Variants in TOX observed in about 807,000 individuals in gnomAD.
The protein encoded by TOX is thymocyte selection-associated high mobility group box protein TOX.
Under a neutral mutation model 53.7 loss-of-function variants are expected in TOX, and 11 were observed. The observed-to-expected ratio is 0.20, with a 90% CI of 0.13 to 0.34. The LOEUF (loss-of-function observed/expected upper bound fraction) is 0.34. TOX is among the 10% of genes least tolerant of loss of function. The pLI, the probability that TOX is intolerant of heterozygous loss-of-function variation, is 1.00. For synonymous variants in TOX, 225 were observed against 245.3 expected (o/e 0.92, Z 0.77); for missense variants, 570 against 664.6 (o/e 0.86, Z 1.56).
At chr8:59,091,549 GTT>G (rs1804606540) in intron 1 of TOX, among the ~76,000 whole-genome samples, 1 of 152,064 alleles carries the variant, frequency 6.6e-6, no homozygotes, top group African/African-American at 2.4e-5. Context: ...GCTCACTTTT[GTT>G]TTTAACTTCC....
intron 2 of TOX, among the ~76,000 whole-genome samples, chr8:58,941,468 A>G (rs1260172284): frequency 6.6e-6 from 1 of 152,236 alleles, no homozygotes; most frequent in Non-Finnish European, 1.5e-5. Context: ...GGATAAATAT[A>G]TCATAAAAGA....
chr8:58,989,259 G>A (rs1813394996), intron 1 of TOX, among the ~76,000 whole-genome samples: 1 of 151,896 alleles, frequency 6.6e-6, no homozygotes, highest in South Asian at 2.1e-4. Flanking sequence ...GAGGTGGCAG[G>A]GAGCCGAGAT....
Position 59,048,671 on chromosome 8 carries a change from C to T in TOX, c.102+70215G>A, listed in dbSNP as rs114826986. Reference sequence around the variant, plus strand: ...GGCTAATTTTAATTCTTCCCAGATACATTTTTAATTAATTTCTTATTTTTG... The same window carrying T: ...GGCTAATTTTAATTCTTCCCAGATATATTTTTAATTAATTTCTTATTTTTG... On this transcript the variant is annotated intron_variant, in intron 1 of 8. Transcript: ENST00000361421. Among the ~76,000 whole-genome samples, 1,510 of 152,220 alleles carry T rather than the reference C, an allele frequency of 9.9e-3. 27 individuals carry two copies. Among genetic ancestry groups the T allele is most frequent in the African/African-American group, 0.034 (1,422 of 41,536 alleles).
chr8:58,985,905 C>T (rs1813320032), intron 1 of TOX, among the ~76,000 whole-genome samples: 1 of 152,102 alleles, frequency 6.6e-6, no homozygotes, highest in Admixed American at 6.6e-5. Flanking sequence ...TTTTTAAAAC[C>T]TCCATTTCTT....
At position 58,838,123 on chromosome 8, in the gene TOX, A is replaced by G. The variant is rs1237208094; in HGVS notation, c.882T>C (p.Ile294=). 5 of 1,614,124 alleles carry G rather than the reference A, an allele frequency of 3.1e-6. No individual in the cohort carries two copies. Among genetic ancestry groups the G allele is most frequent in the Non-Finnish European group, 4.2e-6 (5 of 1,180,004 alleles). ...PNATFGEVSK[I]VASMWDGLGE... ...CTAAACCGTCCCACATTGAAGCCAC[A>G]ATTTTAGAGACTTCGCCAAAGGTAG... Residue 294 remains isoleucine (I), a synonymous_variant, in exon 5 of 9, where the codon ATT becomes ATC. Coordinates refer to ENST00000361421, the MANE Select transcript of TOX (RefSeq NM_014729.3).
At position 58,851,498 on chromosome 8, in the gene TOX, A is replaced by T. The variant is rs1810820637; in HGVS notation, c.693+26T>A. The T allele has an allele frequency of 5.0e-6, 8 of 1,609,780 alleles. No homozygotes were observed. The East Asian group carries it at 1.8e-4, about 36-fold the overall frequency. ...AAGGTGCCTAAGAATAGTCTCCCAT[A>T]GGTCCTAAAAATAACTTATTCATAC... On this transcript the variant is annotated intron_variant, in intron 4 of 8. Coordinates refer to ENST00000361421, the MANE Select transcript of TOX (RefSeq NM_014729.3). The surrounding 1 kb of genome is among the most constrained non-coding windows in gnomAD (Gnocchi z 4.4).
chr8:58,880,538 C>G (rs1585876944), intron 3 of TOX, among the ~76,000 whole-genome samples: 1 of 152,202 alleles, frequency 6.6e-6, no homozygotes, highest in East Asian at 1.9e-4. Flanking sequence ...TGAGTATCCT[C>G]TTAGGGGATA....
At chr8:58,968,050 G>A (rs1399643052) in intron 1 of TOX, among the ~76,000 whole-genome samples, 1 of 152,088 alleles carries the variant, frequency 6.6e-6, no homozygotes, top group Non-Finnish European at 1.5e-5. Context: ...ATAAATAGAA[G>A]AAACAAGAAT....
At chr8:58,993,306 T>C (rs1005982611) in intron 1 of TOX, among the ~76,000 whole-genome samples, 1 of 152,242 alleles carries the variant, frequency 6.6e-6, no homozygotes, top group African/African-American at 2.4e-5. Context: ...TTTGGAAAGA[T>C]GGGGGTGTAT....
intron 2 of TOX, among the ~76,000 whole-genome samples, chr8:58,940,046 C>T (rs1163823195): frequency 2.6e-5 from 4 of 152,062 alleles, no homozygotes; most frequent in Admixed American, 6.6e-5. Flanking sequence ...AGAAAAGAAG[C>T]GACTTAAACA....
At chr8:58,830,412 A>G (rs1810433550) in intron 5 of TOX, among the ~76,000 whole-genome samples, 1 of 152,194 alleles carries the variant, frequency 6.6e-6, no homozygotes, top group Admixed American at 6.6e-5. Context: ...AAATCCTGTC[A>G]CATGATCTAG....
intron 1 of TOX, among the ~76,000 whole-genome samples, chr8:59,046,063 CTG>C (rs1803676671): frequency 6.6e-6 from 1 of 152,116 alleles, no homozygotes; most frequent in African/African-American, 2.4e-5. Flanking sequence ...TTTAAGGGCT[CTG>C]TGTGTAATGA....
rs1810161096 is a variant in TOX at position 58,815,567 on chromosome 8, A to T, written c.1163T>A (p.Met388Lys). The change falls in exon 7 of 9, where the codon ATG (methionine) becomes AAG (lysine). Residue 388 changes from methionine to lysine, a missense_variant. By Grantham distance (95) the Met-to-Lys change is moderately conservative. This residue lies in a region of TOX where 239 missense variants were observed against 250.7 expected (regional missense o/e 0.95). Coordinates refer to ENST00000361421, the MANE Select transcript of TOX (RefSeq NM_014729.3). ...TATGTTCCTGGGGAGACTAGGATGC[A>T]TGGCAGTTAGGTGAGGATTCATTCC... Reference protein sequence around the residue: ...QPGMNPHLTAMHPSLPRNIAP... With the variant: ...QPGMNPHLTAKHPSLPRNIAP... 6.2e-7 allele frequency: 1 copy of T among 1,614,140 alleles called. No individual in the cohort carries two copies. The highest frequency in any genetic ancestry group is 8.5e-7 in the Non-Finnish European group (1 of 1,180,024).
intron 1 of TOX, among the ~76,000 whole-genome samples, chr8:59,111,124 C>T (rs1805010040): frequency 6.6e-6 from 1 of 152,120 alleles, no homozygotes; most frequent in Admixed American, 6.5e-5. Context: ...CAAAGTCAGG[C>T]TTCTCAAGAG....
rs910967794 is a variant in TOX at position 58,887,999 on chromosome 8, C to T, written c.412-36194G>A. On this transcript the variant is annotated intron_variant, in intron 3 of 8. Transcript: ENST00000361421. Reference sequence around the variant, plus strand: ...TGGTATAGCCTACTAAAGGCCCAGGCTATATAGTGTAGCCTATTGCTCCTT... The same window carrying T: ...TGGTATAGCCTACTAAAGGCCCAGGTTATATAGTGTAGCCTATTGCTCCTT... Among the ~76,000 whole-genome samples the T allele has an allele frequency of 2.0e-5, 3 of 152,158 alleles. No individual in the cohort carries two copies. In the South Asian group the frequency reaches 6.2e-4, roughly 32 times the overall value.
intron 3 of TOX, among the ~76,000 whole-genome samples, chr8:58,877,248 A>G (rs1295176105): frequency 6.6e-6 from 1 of 152,098 alleles, no homozygotes; most frequent in Non-Finnish European, 1.5e-5. Flanking sequence ...CTATTGCAGC[A>G]TTACGTATGA....
intron 3 of TOX, among the ~76,000 whole-genome samples, chr8:58,938,900 G>A (rs1456553089): frequency 6.6e-6 from 1 of 152,202 alleles, no homozygotes; most frequent in Admixed American, 6.5e-5. Context: ...AAATAGGAAG[G>A]AAAATCAAGG....
At chr8:58,965,019 A>G (rs1812867970) in intron 1 of TOX, among the ~76,000 whole-genome samples, 2 of 152,216 alleles carry the variant, frequency 1.3e-5, no homozygotes, top group African/African-American at 4.8e-5. Context: ...TTTATTAAAT[A>G]TAACTAACTG....
At chr8:58,926,962 CA>C (rs1426269860) in intron 3 of TOX, among the ~76,000 whole-genome samples, 5 of 152,052 alleles carry the variant, frequency 3.3e-5, no homozygotes, top group Non-Finnish European at 5.9e-5. Context: ...AATGGACCTA[CA>C]ACTTTAGGTA....
Sources: allele counts gnomAD v4.1 joint callset (sites outside exome capture counted in the v4.1 genomes callset), GRCh38; gene constraint gnomAD v4.1.1; regional missense constraint gnomAD v4.1.1; non-coding constraint Gnocchi (gnomAD v3.1); transcripts MANE v1.5; gene names NCBI Gene and HGNC (gene_info 2026-07-23, HGNC 2026-07-21).